The following FBXW11 variants were observed in gnomAD, a reference collection of about 807,000 sequenced individuals.
The protein encoded by FBXW11 is F-box and WD repeat domain containing 11, also known as F-box/WD repeat-containing protein 11.
A neutral mutation model predicts 77.6 loss-of-function variants in FBXW11; 19 were observed. The ratio of observed to expected loss-of-function variants is 0.24; its 90% CI spans 0.17 to 0.36. The LOEUF (loss-of-function observed/expected upper bound fraction) is 0.36, where lower values mean the gene tolerates loss of function less well. Among genes scored for constraint, FBXW11 ranks in the 10% least tolerant of loss-of-function variants. The pLI is 1.00. For missense variants in FBXW11, 334 were observed against 704.2 expected (o/e 0.47, Z 5.95); for synonymous variants, 235 against 249.4 (o/e 0.94, Z 0.54).
At chr5:171,885,365 T>C (rs1489614489) in intron 7 of FBXW11, among the ~76,000 whole-genome samples, 1 of 152,168 alleles carries the variant, frequency 6.6e-6, no homozygotes, top group Non-Finnish European at 1.5e-5. Context: ...TTCTCAGACT[T>C]GTCCCACACT....
intron 2 of FBXW11, among the ~76,000 whole-genome samples, chr5:171,922,074 AAGGGAGGG>A (rs894159512): frequency 2.1e-5 from 3 of 140,490 alleles, no homozygotes; most frequent in Non-Finnish European, 4.7e-5. Context: ...ACAAACAAAC[AAGGGAGGG>A]AGGGAGGGAG....
At chr5:171,977,983 G>C (rs1764930796) in intron 1 of FBXW11, among the ~76,000 whole-genome samples, 1 of 152,112 alleles carries the variant, frequency 6.6e-6, no homozygotes. Context: ...AGCATGACAA[G>C]GGAACTTAAT....
chr5:171,995,274 T>C (rs1029857092), intron 1 of FBXW11, among the ~76,000 whole-genome samples: 2 of 152,112 alleles, frequency 1.3e-5, no homozygotes, highest in African/African-American at 2.4e-5. Context: ...TGAGAAGATA[T>C]AGGTTTGAGT....
intron 2 of FBXW11, among the ~76,000 whole-genome samples, chr5:171,924,011 C>T (rs900236081): frequency 1.2e-4 from 18 of 148,724 alleles, no homozygotes; most frequent in Admixed American, 3.4e-4. Context: ...CTGCAACCTC[C>T]GCCTCCTGGG....
At chr5:171,933,930 A>G (rs1762347867) in intron 2 of FBXW11, among the ~76,000 whole-genome samples, 1 of 152,214 alleles carries the variant, frequency 6.6e-6, no homozygotes, top group South Asian at 2.1e-4. Flanking sequence ...GGAAGGAGGG[A>G]AAAACAGAGA....
intron 2 of FBXW11, among the ~76,000 whole-genome samples, chr5:171,945,765 T>C (rs1200504766): frequency 6.6e-6 from 1 of 152,238 alleles, no homozygotes; most frequent in African/African-American, 2.4e-5. Flanking sequence ...TCTTGTTAGA[T>C]ATTGATGCTA....
intron 4 of FBXW11, among the ~76,000 whole-genome samples, chr5:171,902,344 A>T (rs1373130157): frequency 6.6e-6 from 1 of 152,204 alleles, no homozygotes; most frequent in African/African-American, 2.4e-5. Context: ...GCTGCTTGGT[A>T]ACCCTTTTAA....
intron 13 of FBXW11, among the ~76,000 whole-genome samples, chr5:171,865,267 G>T (rs1757315183): frequency 6.8e-6 from 1 of 146,492 alleles, no homozygotes; most frequent in Non-Finnish European, 1.5e-5. Flanking sequence ...ATGTACCCTA[G>T]AACTTAAAGT....
At chr5:171,992,135 A>AG (rs1029063100) in intron 1 of FBXW11, among the ~76,000 whole-genome samples, 13 of 151,374 alleles carry the variant, frequency 8.6e-5, no homozygotes, top group Non-Finnish European at 1.5e-4. Context: ...AAAGAAAAAA[A>AG]AAAAAAAAAG....
intron 1 of FBXW11, among the ~76,000 whole-genome samples, chr5:171,959,514 T>C (rs867521838): frequency 4.7e-4 from 71 of 151,722 alleles, no homozygotes; most frequent in African/African-American, 1.6e-3. Flanking sequence ...AAGAAAAAAA[T>C]TTTTTTAATT....
intron 1 of FBXW11, among the ~76,000 whole-genome samples, chr5:171,987,778 T>C (rs1007595145): frequency 6.6e-6 from 1 of 152,014 alleles, no homozygotes; most frequent in Non-Finnish European, 1.5e-5. Flanking sequence ...AAATATCCCT[T>C]ATGAAATTTC....
intron 1 of FBXW11, among the ~76,000 whole-genome samples, chr5:171,975,623 C>T (rs1283068859): frequency 1.3e-5 from 2 of 152,184 alleles, no homozygotes; most frequent in African/African-American, 4.8e-5. Context: ...AAATTAATCA[C>T]CTCCAGTTCC....
At chr5:171,912,587 A>AT (rs1223703311) in intron 3 of FBXW11, among the ~76,000 whole-genome samples, 3 of 152,150 alleles carry the variant, frequency 2.0e-5, no homozygotes. Flanking sequence ...AAGAGCTATA[A>AT]TGTAAGCCAC....
At chr5:171,989,067 C>T (rs1235277727) in intron 1 of FBXW11, among the ~76,000 whole-genome samples, 1 of 152,056 alleles carries the variant, frequency 6.6e-6, no homozygotes, top group Non-Finnish European at 1.5e-5. Context: ...GTTCCAGCTA[C>T]TCAGGAGGCT....
rs1355847580 is a variant in FBXW11, at chr5:171,904,395, CCCAAA to C, written c.437-4300_437-4296del. ...CATCATCTGTGACGGGAAAGCAGCA[CCCAAA>C]CCTTCAACCTATCTGGGTGGTCTAT... On this transcript the variant is annotated intron_variant, in intron 4 of 13. Coordinates refer to ENST00000517395, the MANE Select transcript of FBXW11 (RefSeq NM_001378974.1). This position sits in a 1 kb window ranked among gnomAD's most constrained non-coding sequence, Gnocchi z 4.0. Among the ~76,000 whole-genome samples, 1 of 152,028 alleles carries C rather than the reference CCCAAA, an allele frequency of 6.6e-6. No homozygotes were observed. Among genetic ancestry groups the C allele is most frequent in the Non-Finnish European group, 1.5e-5 (1 of 68,004 alleles).
At chr5:171,898,908 T>C in intron 6 of FBXW11, 96 bp downstream of exon 6, 1 of 665,464 alleles carries the variant, frequency 1.5e-6, no homozygotes. Flanking sequence ...AAATTATTAG[T>C]TCTACGATTT....
At chr5:172,004,897 G>A (rs1766640834) in intron 1 of FBXW11, among the ~76,000 whole-genome samples, 1 of 117,170 alleles carries the variant, frequency 8.5e-6, no homozygotes, top group South Asian at 3.0e-4. Context: ...ACACACGCAT[G>A]CAAAAATCAA....
chr5:171,918,325 T>C (rs1004867174), intron 2 of FBXW11, among the ~76,000 whole-genome samples: 1 of 152,190 alleles, frequency 6.6e-6, no homozygotes, highest in Non-Finnish European at 1.5e-5. Flanking sequence ...AATTCTCTTA[T>C]GGAAGCTATA....
intron 1 of FBXW11, among the ~76,000 whole-genome samples, chr5:171,983,692 T>A (rs1765277667): frequency 6.6e-6 from 1 of 152,202 alleles, no homozygotes; most frequent in Admixed American, 6.5e-5. Context: ...ACTGCTGTTG[T>A]ACTGGTTTGA....
Sources: gnomAD v4.1 joint callset for allele counts (sites outside exome capture counted in the v4.1 genomes callset) on GRCh38, gnomAD v4.1.1 for gene constraint, Gnocchi (gnomAD v3.1) non-coding constraint, MANE v1.5 for transcripts, NCBI Gene and HGNC (gene_info 2026-07-23, HGNC 2026-07-21) for gene names.